The following ZNF516 variants were observed in gnomAD, a reference collection of about 807,000 sequenced individuals.
ZNF516 encodes the protein zinc finger protein 516.
In ZNF516, 19 loss-of-function variants were observed where a neutral mutation model predicts 79.7. The observed-to-expected ratio is 0.24, with a 90% confidence interval of 0.17 to 0.35. The LOEUF is 0.35. Ranked by LOEUF, ZNF516 falls within the 10% of genes least tolerant of loss-of-function variation. The probability of loss-of-function intolerance (pLI) is 1.00; values close to 1 mark genes in which losing one functional copy is unlikely to be tolerated. For missense variants in ZNF516, 1,678 were observed against 1,679.5 expected (o/e 1.00, Z 0.02); for synonymous variants, 877 against 739.5 (o/e 1.19, Z -3.02).
At chr18:76,447,625 G>A (rs1326111712) in intron 2 of ZNF516, among the ~76,000 whole-genome samples, 1 of 152,218 alleles carries the variant, frequency 6.6e-6, no homozygotes. Flanking sequence ...CAGAGCCAAG[G>A]TGGAGGGTAC....
chr18:76,424,785 C>T, intron 3 of ZNF516, among the ~76,000 whole-genome samples: 1 of 124,182 alleles, frequency 8.1e-6, no homozygotes, highest in Non-Finnish European at 1.7e-5. Flanking sequence ...AAGGTTCCCC[C>T]GAAACACACG....
intron 1 of ZNF516, chr18:76,492,265 C>T: frequency 2.0e-6 from 2 of 985,482 alleles, no homozygotes; most frequent in Non-Finnish European, 2.4e-6. Context: ...GGTCCGTACG[C>T]TTCCCGAGGT....
rs188560053 is a variant in ZNF516, at chr18:76,424,274, T to C, written c.1810+16971A>G. The stretch of plus-strand genomic sequence containing the variant: ...AAAAGGCTCCCTCCTGAAACACACA[T>C]GCAGGTGAAAAGGCTCCCCCGAAAC... On this transcript the variant is annotated intron_variant, in intron 3 of 6. Transcript: ENST00000443185. 9.1e-3 allele frequency among the ~76,000 whole-genome samples: 74 copies of C among 8,150 alleles called. 6 individuals are homozygous for C. The highest frequency in any genetic ancestry group is 0.037 in the African/African-American group (68 of 1,840). The allele number at this position is 8,150 out of a possible 152,430, so 5.3% of individuals were successfully genotyped here.
intron 6 of ZNF516, among the ~76,000 whole-genome samples, chr18:76,369,351 G>T (rs536947566): frequency 3.9e-5 from 6 of 152,132 alleles, no homozygotes; most frequent in African/African-American, 1.4e-4. Flanking sequence ...AATGGCAAGG[G>T]TTTTTGTCAA....
intron 3 of ZNF516, among the ~76,000 whole-genome samples, chr18:76,381,282 A>G (rs1164346917): frequency 6.6e-6 from 1 of 152,196 alleles, no homozygotes; most frequent in Non-Finnish European, 1.5e-5. Flanking sequence ...TTTTGCATTT[A>G]CGGCCTTGGG....
rs369320716 is a variant in ZNF516 at position 76,442,458 on chromosome 18, C to T, written c.597G>A (p.Pro199=). 1.2e-6 allele frequency: 2 copies of T among 1,605,396 alleles called. No individual in the cohort carries two copies. The highest frequency in any genetic ancestry group is 1.6e-4 in the Middle Eastern group (1 of 6,084). The change falls in exon 3 of 7, where the codon CCG becomes CCA. Residue 199 remains proline, a synonymous_variant. Coordinates refer to ENST00000443185, the MANE Select transcript of ZNF516 (RefSeq NM_014643.4). ...CGTAGCTGCACAGCCTGCACTTGAA[C>T]GGCTTGTGCGCCTGGTGCACGTGCA... is the stretch of plus-strand genomic sequence containing the variant. ...LELHVHQAHK[P]FKCRLCSYAT...
intron 3 of ZNF516, among the ~76,000 whole-genome samples, chr18:76,422,385 T>C (rs940930202): frequency 3.3e-5 from 5 of 152,224 alleles, no homozygotes; most frequent in African/African-American, 1.2e-4. Context: ...ACACTCAGGC[T>C]ATGGAGCAGA....
Position 76,493,235 on chromosome 18 carries a change from T to C in ZNF516, c.-272+1909A>G, listed in dbSNP as rs1016593813. The C allele has an allele frequency of 3.1e-6, 3 of 957,566 alleles. No homozygotes were observed. The highest frequency in any genetic ancestry group is 3.7e-6 in the Non-Finnish European group (3 of 805,182). 59.3% of individuals were successfully genotyped at this position (957,566 alleles called of 1,614,324 possible). A position where few individuals can be genotyped will look rare whatever the true frequency, so the allele number is the denominator to read the frequency against. ...CAGACGATATCCATTTAAATATATT[T>C]TGTACTTCCACAAAGGATGGAAAGG... On this transcript the variant is annotated intron_variant, in intron 1 of 6. Coordinates refer to ENST00000443185, the MANE Select transcript of ZNF516 (RefSeq NM_014643.4). This position sits in a 1 kb window ranked among gnomAD's most constrained non-coding sequence, Gnocchi z 5.2.
intron 5 of ZNF516, 46 bp from the exon 6 acceptor site, chr18:76,370,641 G>A (rs370336827): frequency 1.1e-4 from 171 of 1,504,022 alleles, no homozygotes; most frequent in African/African-American, 1.0e-3. Flanking sequence ...GTGAGCTTCC[G>A]GACGTGCACA....
At chr18:76,404,353 AC>A in intron 3 of ZNF516, among the ~76,000 whole-genome samples, 1 of 1,356 alleles carries the variant, frequency 7.4e-4, no homozygotes, top group African/African-American at 8.0e-4. Context: ...GAGTGCATAT[AC>A]TACGTGTAAT....
At chr18:76,441,195 C>T (rs747088169) in intron 3 of ZNF516, 50 bp downstream of exon 3, 48 of 1,569,672 alleles carry the variant, frequency 3.1e-5, no homozygotes, top group Non-Finnish European at 3.2e-5. Context: ...AGCAGGAACC[C>T]CCTGAGCCTG....
chr18:76,370,869 C>A (rs531037654), intron 5 of ZNF516, among the ~76,000 whole-genome samples: 3 of 152,338 alleles, frequency 2.0e-5, no homozygotes, highest in Admixed American at 2.0e-4. Context: ...CCTCTTCTTG[C>A]ATTACTTACC....
intron 3 of ZNF516, 109 bp downstream of exon 3, chr18:76,441,136 C>G (rs2075812138): frequency 3.5e-6 from 5 of 1,419,826 alleles, no homozygotes; most frequent in Non-Finnish European, 4.7e-6. Flanking sequence ...AAAGGGCCAC[C>G]GGGTAAGGGG....
intron 4 of ZNF516, chr18:76,378,369 AG>A (rs2074821265): frequency 6.5e-6 from 1 of 153,048 alleles, no homozygotes; most frequent in Non-Finnish European, 1.5e-5. Context: ...CTAATATTAG[AG>A]GACTAATTAG....
In ZNF516 at chr18:76,359,165, A is replaced by C. The variant is rs886915746; in HGVS notation, c.*3333T>G. The C allele has an allele frequency of 6.6e-6, 1 of 152,224 alleles. No individual in the cohort carries two copies. Among genetic ancestry groups the C allele is most frequent in the African/African-American group, 2.4e-5 (1 of 41,452 alleles). 9.4% of individuals were successfully genotyped at this position (152,224 alleles called of 1,614,324 possible). A position where few individuals can be genotyped will look rare whatever the true frequency, so the allele number is the denominator to read the frequency against. Reference sequence around the variant, plus strand: ...GACGAAGTAACTGTATGCAACTCCCAATTGCTACTTCCTGAAGCACCTGCT... The same window carrying C: ...GACGAAGTAACTGTATGCAACTCCCCATTGCTACTTCCTGAAGCACCTGCT... On this transcript the variant is annotated 3_prime_UTR_variant, in exon 7 of 7. Transcript: ENST00000443185.
At chr18:76,434,559 C>T (rs2075705086) in intron 3 of ZNF516, among the ~76,000 whole-genome samples, 1 of 152,170 alleles carries the variant, frequency 6.6e-6, no homozygotes, top group Admixed American at 6.5e-5. Context: ...TAACTTCCTA[C>T]GTGGCAGGAA....
chr18:76,395,304 A>C (rs1414065420), intron 3 of ZNF516, among the ~76,000 whole-genome samples: 1 of 152,198 alleles, frequency 6.6e-6, no homozygotes, highest in Non-Finnish European at 1.5e-5. Flanking sequence ...CCAGACACCA[A>C]GAAAGCAAAC....
Position 76,362,506 on chromosome 18 carries a change from C to T in ZNF516, c.3484G>A (p.Gly1162Arg). ...GTVQTVPLRK[G>R]T The stretch of plus-strand genomic sequence containing the variant: ...GCGTCGGAAACACGCCTTTAGGTTC[C>T]CTTTCTCAGAGGCACTGTCTGGACG... The change falls in exon 7 of 7, where the codon GGA (glycine) becomes AGA (arginine). Residue 1162 changes from glycine to arginine, a missense_variant. This residue lies in a region of ZNF516 where 1,294 missense variants were observed against 1,248.3 expected (regional missense o/e 1.04). Coordinates refer to ENST00000443185, the MANE Select transcript of ZNF516 (RefSeq NM_014643.4). The T allele has an allele frequency of 1.2e-6, 2 of 1,613,202 alleles. No homozygotes were observed. Among genetic ancestry groups the T allele is most frequent in the South Asian group, 2.2e-5 (2 of 91,002 alleles).
At chr18:76,436,501 A>G (rs2075737431) in intron 3 of ZNF516, among the ~76,000 whole-genome samples, 1 of 152,066 alleles carries the variant, frequency 6.6e-6, no homozygotes. Context: ...CTTCAGAGAG[A>G]GCTTTGCCCG....
Sources: allele counts gnomAD v4.1 joint callset (sites outside exome capture counted in the v4.1 genomes callset), GRCh38; gene constraint gnomAD v4.1.1; regional missense constraint gnomAD v4.1.1; non-coding constraint Gnocchi (gnomAD v3.1); transcripts MANE v1.5; gene names NCBI Gene and HGNC (gene_info 2026-07-23, HGNC 2026-07-21).